The following PARN variants were observed in gnomAD, a reference collection of about 807,000 sequenced individuals.
PARN encodes the protein poly(A)-specific ribonuclease PARN.
Under a neutral mutation model 102.8 loss-of-function variants are expected in PARN, and 71 were observed. The ratio of observed to expected loss-of-function variants is 0.69; its 90% CI spans 0.57 to 0.84. The LOEUF (loss-of-function observed/expected upper bound fraction) is 0.84, where lower values mean the gene tolerates loss of function less well. Among genes scored for constraint, PARN ranks in the 40% least tolerant of loss-of-function variants. The pLI, the probability that PARN is intolerant of heterozygous loss-of-function variation, is 0.00. For synonymous variants in PARN, 261 were observed against 252.9 expected (o/e 1.03, Z -0.30); for missense variants, 782 against 760.9 (o/e 1.03, Z -0.33).
At chr16:14,599,037 CTT>C (rs71150194) in intron 12 of PARN, among the ~76,000 whole-genome samples, 51 of 81,458 alleles carry the variant, frequency 6.3e-4, no homozygotes, top group East Asian at 4.5e-3. Flanking sequence ...TTCTCCTCTT[CTT>C]TTTTTTTTTT....
chr16:14,614,344 G>A (rs1035210130), intron 6 of PARN, among the ~76,000 whole-genome samples: 1 of 152,156 alleles, frequency 6.6e-6, no homozygotes, highest in African/African-American at 2.4e-5. Context: ...GAGGACTAAA[G>A]AGAGATAGAA....
intron 21 of PARN, among the ~76,000 whole-genome samples, chr16:14,506,726 C>T (rs1169513626): frequency 3.9e-5 from 6 of 152,228 alleles, no homozygotes; most frequent in Non-Finnish European, 5.9e-5. Context: ...TGCAGTGGCA[C>T]GAGCCTTTAG....
intron 6 of PARN, among the ~76,000 whole-genome samples, chr16:14,614,350 T>C (rs1387174296): frequency 1.3e-5 from 2 of 151,862 alleles, no homozygotes; most frequent in Admixed American, 6.6e-5. Context: ...TAAAGAGAGA[T>C]AGAAAGATGC....
chr16:14,599,848 T>C lies in PARN; in HGVS notation c.840+56A>G, dbSNP rs1293893485. 4 of 1,002,006 alleles carry C rather than the reference T, an allele frequency of 4.0e-6. No individual in the cohort carries two copies. The Admixed American group carries it at 8.1e-5, about 20-fold the overall frequency. 62.1% of individuals were successfully genotyped at this position (1,002,006 alleles called of 1,614,324 possible). ...TGATTAATCTGCAATGATAATTAGA[T>C]ACTTCACCTGAAATAGTATGTTCTG... On this transcript the variant is annotated intron_variant, in intron 12 of 23. Transcript: ENST00000437198.
chr16:14,618,617 C>T (rs534958370), intron 5 of PARN, among the ~76,000 whole-genome samples: 1 of 150,682 alleles, frequency 6.6e-6, no homozygotes, highest in South Asian at 2.1e-4. Context: ...GCCGAGAGAG[C>T]CACTGCACTC....
chr16:14,496,450 CT>C (rs139038435), intron 21 of PARN, among the ~76,000 whole-genome samples: 8 of 152,230 alleles, frequency 5.3e-5, no homozygotes, highest in East Asian at 1.9e-4. Flanking sequence ...AGAAACCCTT[CT>C]TTTTTTAAAA....
chr16:14,584,483 G>T, intron 15 of PARN, 61 bp from the exon 16 acceptor site: 1 of 1,349,184 alleles, frequency 7.4e-7, no homozygotes, highest in Non-Finnish European at 1.1e-6. Context: ...ATATTAAAGA[G>T]ATTCACTGAC....
intron 21 of PARN, among the ~76,000 whole-genome samples, chr16:14,525,661 C>T (rs1183263998): frequency 2.6e-5 from 4 of 152,062 alleles, no homozygotes; most frequent in African/African-American, 7.2e-5. Flanking sequence ...ATGACAGAGC[C>T]GCTCAGTGAA....
At chr16:14,609,366 G>A (rs532302929) in intron 7 of PARN, among the ~76,000 whole-genome samples, 1 of 151,826 alleles carries the variant, frequency 6.6e-6, no homozygotes, top group African/African-American at 2.4e-5. Flanking sequence ...AGGAGTTCGC[G>A]ACCAGCCTGG....
chr16:14,599,978 T>C lies in PARN; in HGVS notation c.784-18A>G. On this transcript the variant is annotated intron_variant, in intron 11 of 23. Transcript: ENST00000437198. Reference sequence around the variant, plus strand: ...AGCTCCTCCTAATTAAAAAAATATATACATATGTATTATTGATGTATAAAT... The same window carrying C: ...AGCTCCTCCTAATTAAAAAAATATACACATATGTATTATTGATGTATAAAT... 1.4e-6 allele frequency: 2 copies of C among 1,404,906 alleles called. No homozygotes were observed. Among genetic ancestry groups the C allele is most frequent in the Non-Finnish European group, 2.0e-6 (2 of 1,009,220 alleles). 87.0% of individuals were successfully genotyped at this position (1,404,906 alleles called of 1,614,324 possible).
intron 21 of PARN, among the ~76,000 whole-genome samples, chr16:14,527,760 A>T (rs538835713): frequency 6.6e-6 from 1 of 152,312 alleles, no homozygotes; most frequent in East Asian, 1.9e-4. Context: ...GCATTCAGGA[A>T]CACTGGGTAT....
At chr16:14,545,605 C>G (rs1186268802) in intron 21 of PARN, among the ~76,000 whole-genome samples, 2 of 152,174 alleles carry the variant, frequency 1.3e-5, no homozygotes, top group African/African-American at 2.4e-5. Context: ...AGAGTCTTAG[C>G]TATGTACACA....
rs756844371 is a variant in PARN at position 14,580,977 on chromosome 16, A to G, written c.1193-34T>C. The G allele has an allele frequency of 2.3e-6, 3 of 1,320,552 alleles. No individual in the cohort carries two copies. The Admixed American group carries it at 5.1e-5, about 22-fold the overall frequency. The allele number at this position is 1,320,552 out of a possible 1,614,324, so 81.8% of individuals were successfully genotyped here. On this transcript the variant is annotated intron_variant, in intron 17 of 23. Transcript: ENST00000437198. ...GAAAAGAAGAGAGGTATTATTATTCATAGTCACATAGACCAAGCCTGAAAG... is the reference window on the plus strand; with the variant it reads ...GAAAAGAAGAGAGGTATTATTATTCGTAGTCACATAGACCAAGCCTGAAAG...
chr16:14,480,770 G>A (rs971894153), intron 22 of PARN, among the ~76,000 whole-genome samples: 3 of 151,952 alleles, frequency 2.0e-5, no homozygotes, highest in East Asian at 1.9e-4. Flanking sequence ...GCAAAACATC[G>A]TCTCTACTAA....
chr16:14,608,536 A>G (rs1971331775), intron 8 of PARN, among the ~76,000 whole-genome samples: 1 of 152,212 alleles, frequency 6.6e-6, no homozygotes, highest in Non-Finnish European at 1.5e-5. Flanking sequence ...TTTACTGAAG[A>G]GGTAGAAGTT....
At chr16:14,575,083 T>C (rs1403127159) in intron 18 of PARN, among the ~76,000 whole-genome samples, 1 of 152,200 alleles carries the variant, frequency 6.6e-6, no homozygotes, top group African/African-American at 2.4e-5. Context: ...AGAAGATGTA[T>C]GGACATGCCT....
chr16:14,467,468 T>C (rs1164633340), intron 22 of PARN, among the ~76,000 whole-genome samples: 1 of 152,232 alleles, frequency 6.6e-6, no homozygotes, highest in African/African-American at 2.4e-5. Flanking sequence ...TTCGGAGTCA[T>C]TAATTTACGA....
At chr16:14,445,450 T>C (rs1596429445) in intron 23 of PARN, among the ~76,000 whole-genome samples, 1 of 152,252 alleles carries the variant, frequency 6.6e-6, no homozygotes, top group East Asian at 1.9e-4. Flanking sequence ...ATTTGATTGT[T>C]AGTTCTGCTA....
chr16:14,445,654 C>A (rs1961168128), intron 23 of PARN, among the ~76,000 whole-genome samples: 1 of 152,194 alleles, frequency 6.6e-6, no homozygotes, highest in East Asian at 1.9e-4. Context: ...CTTGACCTCC[C>A]TGGGCTGAGG....
Sources: allele counts gnomAD v4.1 joint callset (sites outside exome capture counted in the v4.1 genomes callset), GRCh38; gene constraint gnomAD v4.1.1; transcripts MANE v1.5; gene names NCBI Gene and HGNC (gene_info 2026-07-23, HGNC 2026-07-21).